The following RFTN2 variants were observed in gnomAD, a reference collection of about 807,000 sequenced individuals.
RFTN2 encodes raftlin family member 2, also known as raftlin-2.
RFTN2 carries 34 observed loss-of-function variants against 52.7 expected under a neutral mutation model. The observed-to-expected ratio is 0.64, with a 90% CI of 0.49 to 0.86. RFTN2 has a LOEUF of 0.86. RFTN2 is among the 40% of genes least tolerant of loss of function. The pLI, the probability that RFTN2 is intolerant of heterozygous loss-of-function variation, is 0.00. For missense variants in RFTN2, 536 were observed against 600.1 expected, an observed-to-expected ratio of 0.89 and a Z score of 1.12; for synonymous variants, 203 against 217.7, an observed-to-expected ratio of 0.93 and a Z score of 0.59.
intron 1 of RFTN2, among the ~76,000 whole-genome samples, chr2:197,667,105 T>C (rs1318455523): frequency 6.6e-6 from 1 of 152,140 alleles, no homozygotes; most frequent in Non-Finnish European, 1.5e-5. Context: ...CTCAGCCTCC[T>C]GAGTAGCTGG....
chr2:197,575,837 TTATA>T (rs1300987075), intron 8 of RFTN2, among the ~76,000 whole-genome samples: 1 of 34,362 alleles, frequency 2.9e-5, no homozygotes, highest in Non-Finnish European at 7.6e-5. Context: ...ATATAATATA[TTATA>T]TATATTTTAT....
At chr2:197,618,694 C>A (rs1304571162) in intron 5 of RFTN2, among the ~76,000 whole-genome samples, 2 of 150,850 alleles carry the variant, frequency 1.3e-5, no homozygotes, top group African/African-American at 4.9e-5. Context: ...CGTCTCTGCC[C>A]GGCCGCCCAT....
intron 1 of RFTN2, among the ~76,000 whole-genome samples, chr2:197,650,704 T>C (rs1315337299): frequency 2.0e-5 from 3 of 152,220 alleles, no homozygotes; most frequent in African/African-American, 7.2e-5. Flanking sequence ...TATGAACATG[T>C]GGGTTGTTTC....
intron 7 of RFTN2, among the ~76,000 whole-genome samples, chr2:197,607,289 A>G (rs1054772640): frequency 6.6e-6 from 1 of 152,070 alleles, no homozygotes; most frequent in Non-Finnish European, 1.5e-5. Context: ...ACGAGAACAC[A>G]TGGACACAGG....
At chr2:197,590,223 A>G in intron 8 of RFTN2, among the ~76,000 whole-genome samples, 1 of 152,090 alleles carries the variant, frequency 6.6e-6, no homozygotes, top group Non-Finnish European at 1.5e-5. Context: ...CTCTTTGCCT[A>G]ACTCCACTTG....
intron 5 of RFTN2, among the ~76,000 whole-genome samples, chr2:197,626,614 CTTCTTTTTT>C (rs1399315919): frequency 2.0e-5 from 2 of 97,648 alleles, no homozygotes; most frequent in South Asian, 3.4e-4. Context: ...AAGGAATAAT[CTTCTTTTTT>C]TTTTTTTTTT....
intron 1 of RFTN2, among the ~76,000 whole-genome samples, chr2:197,661,529 A>T (rs1318287996): frequency 6.6e-6 from 1 of 151,834 alleles, no homozygotes; most frequent in African/African-American, 2.4e-5. Context: ...TTCTTTATCC[A>T]TTCTTCTGTT....
At chr2:197,639,148 C>T (rs1169253416) in intron 3 of RFTN2, among the ~76,000 whole-genome samples, 1 of 144,354 alleles carries the variant, frequency 6.9e-6, no homozygotes, top group Non-Finnish European at 1.5e-5. Flanking sequence ...GGTAACCTGA[C>T]CTTTCTCTCT....
At chr2:197,601,400 T>C (rs13421808) in intron 7 of RFTN2, among the ~76,000 whole-genome samples, 3,469 of 152,322 alleles carry the variant, frequency 0.023, 131 homozygotes, top group African/African-American at 0.079. Flanking sequence ...TTCCAAGTCC[T>C]TTCTGTGTAC....
At chr2:197,612,495 C>A (rs1334080762) in intron 7 of RFTN2, among the ~76,000 whole-genome samples, 1 of 152,200 alleles carries the variant, frequency 6.6e-6, no homozygotes, top group African/African-American at 2.4e-5. Flanking sequence ...ATATTAGCTG[C>A]TAACTCAGCT....
intron 8 of RFTN2, among the ~76,000 whole-genome samples, chr2:197,580,628 T>C (rs1245091172): frequency 1.3e-5 from 2 of 152,204 alleles, no homozygotes; most frequent in Non-Finnish European, 2.9e-5. Flanking sequence ...TCCTGGACCA[T>C]CACAGACGCT....
intron 1 of RFTN2, among the ~76,000 whole-genome samples, chr2:197,649,456 G>T (rs1438100608): frequency 1.3e-5 from 2 of 152,156 alleles, no homozygotes; most frequent in Non-Finnish European, 2.9e-5. Flanking sequence ...AAAGAAATCT[G>T]GGAGAAGATT....
At chr2:197,664,613 T>C (rs1173159013) in intron 1 of RFTN2, among the ~76,000 whole-genome samples, 2 of 151,416 alleles carry the variant, frequency 1.3e-5, no homozygotes, top group Non-Finnish European at 2.9e-5. Context: ...TCTACAAAAT[T>C]ACAAAAATTA....
At chr2:197,635,914 A>G (rs1475405609) in intron 3 of RFTN2, among the ~76,000 whole-genome samples, 3 of 134,048 alleles carry the variant, frequency 2.2e-5, no homozygotes, top group Non-Finnish European at 4.8e-5. Flanking sequence ...TGATTTTTGT[A>G]TAAGGTGTAA....
At position 197,619,156 on chromosome 2, in the gene RFTN2, C is replaced by T. The variant is rs538600109; in HGVS notation, c.929-1235G>A. Among the ~76,000 whole-genome samples, 191 of 151,272 alleles carry T rather than the reference C, an allele frequency of 1.3e-3. 1 individual carries two copies. Among genetic ancestry groups the T allele is most frequent in the Admixed American group, 1.8e-3 (27 of 15,256 alleles). ...AGGTGGGGGGGGTCAGCCCCCCATC[C>T]GGGAGGTGAGGGGCGCCTCTGCCCG... On this transcript the variant is annotated intron_variant, in intron 5 of 8. Coordinates refer to ENST00000295049, the MANE Select transcript of RFTN2 (RefSeq NM_144629.3).
intron 1 of RFTN2, 90 bp downstream of exon 1, chr2:197,675,228 AAC>A: frequency 4.3e-6 from 4 of 936,030 alleles, no homozygotes; most frequent in Non-Finnish European, 6.1e-6. Context: ...CATTATGAAG[AAC>A]AGTTTAAAAA....
intron 2 of RFTN2, among the ~76,000 whole-genome samples, chr2:197,645,094 G>A (rs2088729626): frequency 6.6e-6 from 1 of 152,056 alleles, no homozygotes; most frequent in South Asian, 2.1e-4. Flanking sequence ...TGGTCTTTAG[G>A]ATGGTTTTGA....
intron 1 of RFTN2, among the ~76,000 whole-genome samples, chr2:197,649,219 A>T (rs2088792948): frequency 6.6e-6 from 1 of 152,236 alleles, no homozygotes; most frequent in South Asian, 2.1e-4. Flanking sequence ...GAATTTGTAA[A>T]AATTCTTTTG....
chr2:197,629,736 T>TTTTATTTTA (rs1559356005), intron 5 of RFTN2, among the ~76,000 whole-genome samples: 1,079 of 71,268 alleles, frequency 0.015, 26 homozygotes, highest in East Asian at 0.13. Context: ...ATTTTATTTT[T>TTTTATTTTA]TTTTGAGACA....
Sources: gnomAD v4.1 joint callset for allele counts (sites outside exome capture counted in the v4.1 genomes callset) on GRCh38, gnomAD v4.1.1 for gene constraint, MANE v1.5 for transcripts, NCBI Gene and HGNC (gene_info 2026-07-23, HGNC 2026-07-21) for gene names.